Variants in ANO4 observed in about 807,000 individuals in gnomAD.
ANO4 encodes the protein anoctamin-4.
ANO4 carries 69 observed loss-of-function variants against 141.9 expected under a neutral mutation model. The ratio of observed to expected loss-of-function variants is 0.49; its 90% CI spans 0.40 to 0.59. The LOEUF is 0.59. ANO4 is among the 20% of genes least tolerant of loss of function. The probability of loss-of-function intolerance (pLI) is 0.00; values close to 1 mark genes in which losing one functional copy is unlikely to be tolerated. For missense variants in ANO4, 894 were observed against 1,162.2 expected (o/e 0.77, Z 3.36); for synonymous variants, 350 against 394.3 (o/e 0.89, Z 1.33).
intron 5 of ANO4, among the ~76,000 whole-genome samples, chr12:100,956,421 A>G (rs1056717657): frequency 1.3e-5 from 2 of 152,220 alleles, no homozygotes; most frequent in African/African-American, 2.4e-5. Context: ...GAAAAATGAA[A>G]CTATACTACA....
chr12:100,819,640 C>G (rs1415379511), intron 1 of ANO4, among the ~76,000 whole-genome samples: 1 of 151,784 alleles, frequency 6.6e-6, no homozygotes, highest in Admixed American at 6.6e-5. Flanking sequence ...GTTCGCTGCT[C>G]TATACTTTTT....
At chr12:101,041,576 A>G (rs1356716016) in intron 11 of ANO4, among the ~76,000 whole-genome samples, 3 of 152,212 alleles carry the variant, frequency 2.0e-5, no homozygotes, top group Non-Finnish European at 4.4e-5. Flanking sequence ...TCTATTGTGT[A>G]TCTAGTACTG....
At chr12:100,717,866 G>A (rs985787506) in intron 1 of ANO4, among the ~76,000 whole-genome samples, 5 of 152,192 alleles carry the variant, frequency 3.3e-5, no homozygotes, top group South Asian at 2.1e-4. Context: ...CTCCTCTAGC[G>A]GGGTGAGGCT....
chr12:101,011,039 G>T (rs1185567806), intron 8 of ANO4, among the ~76,000 whole-genome samples: 3 of 152,178 alleles, frequency 2.0e-5, no homozygotes, highest in Non-Finnish European at 4.4e-5. Context: ...GCTGGGGGAT[G>T]CTGCCAGCTC....
chr12:100,975,731 C>T (rs367733238), intron 7 of ANO4, among the ~76,000 whole-genome samples: 2 of 152,000 alleles, frequency 1.3e-5, no homozygotes, highest in Admixed American at 6.6e-5. Flanking sequence ...TGAGCCACCA[C>T]GCCTGGCCAA....
chr12:101,003,320 A>T (rs1458442625), intron 8 of ANO4, among the ~76,000 whole-genome samples: 1 of 152,244 alleles, frequency 6.6e-6, no homozygotes, highest in Non-Finnish European at 1.5e-5. Flanking sequence ...GCATTCTCAT[A>T]GCAGAGGGAA....
intron 3 of ANO4, among the ~76,000 whole-genome samples, chr12:100,755,769 A>G (rs2032581505): frequency 6.6e-6 from 1 of 152,176 alleles, no homozygotes; most frequent in Non-Finnish European, 1.5e-5. Context: ...GCACTCACTT[A>G]GCTTTCACCT....
chr12:100,815,823 T>C (rs1216197256), intron 1 of ANO4, among the ~76,000 whole-genome samples: 1 of 152,010 alleles, frequency 6.6e-6, no homozygotes, highest in African/African-American at 2.4e-5. Flanking sequence ...TGAAAGTCTT[T>C]TGAGGACAAA....
chr12:100,796,640 AT>A (rs770903773), intron 1 of ANO4, among the ~76,000 whole-genome samples: 58 of 152,136 alleles, frequency 3.8e-4, no homozygotes, highest in Admixed American at 1.4e-3. Flanking sequence ...AAAAAAAAAA[AT>A]TCAAAACAAT....
chr12:100,962,601 C>T (rs993573838), intron 5 of ANO4, among the ~76,000 whole-genome samples: 6 of 152,170 alleles, frequency 3.9e-5, no homozygotes, highest in African/African-American at 1.2e-4. Context: ...AAGGTCCTCT[C>T]GCATAGTTAT....
At chr12:100,998,106 G>A (rs1200848346) in intron 8 of ANO4, among the ~76,000 whole-genome samples, 2 of 152,186 alleles carry the variant, frequency 1.3e-5, no homozygotes, top group East Asian at 1.9e-4. Flanking sequence ...GAGTCAGTGG[G>A]CTGGGGAAGG....
chr12:100,900,012 G>A (rs925097326), intron 1 of ANO4, among the ~76,000 whole-genome samples: 3 of 151,982 alleles, frequency 2.0e-5, no homozygotes, highest in Non-Finnish European at 4.4e-5. Context: ...ACATACCTGT[G>A]GCTACTTTTC....
intron 3 of ANO4, among the ~76,000 whole-genome samples, chr12:100,763,223 C>T (rs745747341): frequency 6.6e-6 from 1 of 152,146 alleles, no homozygotes; most frequent in Non-Finnish European, 1.5e-5. Flanking sequence ...CCTAGTTTCT[C>T]TGGACTCCAT....
In ANO4 at chr12:101,097,841, C is replaced by T. The variant is rs750532610; in HGVS notation, c.1909-7C>T. The stretch of plus-strand genomic sequence containing the variant: ...TTCTGGAATTTCTGTGTTTGCTTAC[C>T]TTGCAGTGCCACCCTAGTGGATGCC... On this transcript the variant is annotated splice_polypyrimidine_tract_variant and splice_region_variant and intron_variant, in intron 20 of 27. Coordinates refer to ENST00000392977, the MANE Select transcript of ANO4 (RefSeq NM_001286615.2). 2.5e-6 allele frequency: 4 copies of T among 1,613,278 alleles called. No homozygotes were observed. The highest frequency in any genetic ancestry group is 2.2e-5 in the East Asian group (1 of 44,852).
chr12:100,937,618 A>G (rs1371308110), intron 3 of ANO4, among the ~76,000 whole-genome samples: 1 of 152,174 alleles, frequency 6.6e-6, no homozygotes, highest in East Asian at 1.9e-4. Flanking sequence ...ATCCTATAAT[A>G]TATTGTTTTA....
At chr12:100,892,574 A>T (rs1245487993) in intron 1 of ANO4, among the ~76,000 whole-genome samples, 2 of 152,094 alleles carry the variant, frequency 1.3e-5, no homozygotes, top group Admixed American at 6.5e-5. Flanking sequence ...GTTCCTGGAT[A>T]ACCACCTCCC....
chr12:100,968,685 C>T (rs930856905), intron 5 of ANO4, among the ~76,000 whole-genome samples: 3 of 152,190 alleles, frequency 2.0e-5, no homozygotes, highest in African/African-American at 7.2e-5. Context: ...AGTCTTTCTT[C>T]TGCTTTATAA....
chr12:101,093,881 G>A (rs560984287), intron 17 of ANO4, among the ~76,000 whole-genome samples: 63 of 152,168 alleles, frequency 4.1e-4, no homozygotes, highest in African/African-American at 1.5e-3. Context: ...CATCAGAAGC[G>A]GGCTTAGAGA....
chr12:101,079,351 CTCTCTGTTCTGTG>C, intron 15 of ANO4, 76 bp downstream of exon 15: 1 of 1,251,158 alleles, frequency 8.0e-7, no homozygotes, highest in Non-Finnish European at 1.2e-6. Flanking sequence ...AAAATTGTCA[CTCTCTGTTCTGTG>C]ACGGAAGTCA....
Sources: gnomAD v4.1 joint callset for allele counts (sites outside exome capture counted in the v4.1 genomes callset) on GRCh38, gnomAD v4.1.1 for gene constraint, MANE v1.5 for transcripts, NCBI Gene and HGNC (gene_info 2026-07-23, HGNC 2026-07-21) for gene names.